CSTPP1: variants seen among roughly 807,000 people sequenced by gnomAD.
CSTPP1 encodes the protein UPF0705 protein C11orf49.
the CSTPP1 span, among the ~76,000 whole-genome samples, chr11:47,028,218 C>T: frequency 1.2e-4 from 19 of 152,272 alleles, no homozygotes; most frequent in African/African-American, 4.3e-4. Context: ...CCATCACGCC[C>T]GGCCACATCT....
At chr11:47,089,883 A>C in the CSTPP1 span, among the ~76,000 whole-genome samples, 2 of 152,382 alleles carry the variant, frequency 1.3e-5, no homozygotes, top group Non-Finnish European at 2.9e-5. Flanking sequence ...TTATAGATCC[A>C]AACAGTGAAG....
At chr11:47,010,943 TGGAAG>T in the CSTPP1 span, among the ~76,000 whole-genome samples, 10 of 152,328 alleles carry the variant, frequency 6.6e-5, no homozygotes, top group South Asian at 1.9e-3. Flanking sequence ...GAAGTTTTCT[TGGAAG>T]GACATCTAAT....
chr11:47,012,410 A>G, the CSTPP1 span, among the ~76,000 whole-genome samples: 18 of 152,318 alleles, frequency 1.2e-4, no homozygotes, highest in African/African-American at 4.3e-4. Context: ...TGGTCTTTTA[A>G]AAAGTATATT....
At chr11:47,143,021 AGG>A in the CSTPP1 span, among the ~76,000 whole-genome samples, 1 of 152,184 alleles carries the variant, frequency 6.6e-6, no homozygotes, top group African/African-American at 2.4e-5. Flanking sequence ...AGAAGGGCCA[AGG>A]GTAACCCACA....
At chr11:46,964,376 C>T in the CSTPP1 span, among the ~76,000 whole-genome samples, 5 of 152,016 alleles carry the variant, frequency 3.3e-5, no homozygotes, top group Admixed American at 1.3e-4. Flanking sequence ...AGCTCCGCCT[C>T]CCGGGTTCAC....
At chr11:46,976,393 T>TCACACA in the CSTPP1 span, among the ~76,000 whole-genome samples, 49 of 148,810 alleles carry the variant, frequency 3.3e-4, no homozygotes, top group Non-Finnish European at 4.5e-4. Context: ...TAGGTTTCAG[T>TCACACA]CACACACACA....
the CSTPP1 span, among the ~76,000 whole-genome samples, chr11:47,114,640 A>G: frequency 1.3e-5 from 2 of 152,124 alleles, no homozygotes; most frequent in East Asian, 1.9e-4. Flanking sequence ...TTTGTCTGTT[A>G]TTGGTGTATA....
chr11:46,939,121 A>G, the CSTPP1 span, among the ~76,000 whole-genome samples: 1 of 103,822 alleles, frequency 9.6e-6, no homozygotes, highest in Non-Finnish European at 1.8e-5. Flanking sequence ...ATGGAGTTTC[A>G]CTCTTGTTGC....
the CSTPP1 span, among the ~76,000 whole-genome samples, chr11:47,127,599 G>C: frequency 6.6e-6 from 1 of 152,058 alleles, no homozygotes; most frequent in African/African-American, 2.4e-5. Context: ...TGCCTTAAAT[G>C]AAGGAAAGTA....
At chr11:46,992,613 C>G in the CSTPP1 span, among the ~76,000 whole-genome samples, 3 of 151,844 alleles carry the variant, frequency 2.0e-5, no homozygotes, top group African/African-American at 7.3e-5. Flanking sequence ...GTATATGTGC[C>G]CATTTTCTTA....
chr11:46,976,801 C>T, the CSTPP1 span, among the ~76,000 whole-genome samples: 1 of 152,116 alleles, frequency 6.6e-6, no homozygotes, highest in African/African-American at 2.4e-5. Context: ...TCAAGTCCTG[C>T]AGTTGGCCCT....
At chr11:47,052,157 T>C in the CSTPP1 span, 1 of 388,372 alleles carries the variant, frequency 2.6e-6, no homozygotes, top group South Asian at 4.4e-5. Context: ...TGTGTACCTG[T>C]GGAAGGTGGG....
chr11:47,110,862 G>A, the CSTPP1 span, among the ~76,000 whole-genome samples: 68 of 151,172 alleles, frequency 4.5e-4, no homozygotes, highest in Admixed American at 9.2e-4. Flanking sequence ...TCCACCCAGC[G>A]TGAGACAGTA....
the CSTPP1 span, chr11:47,164,012 G>A: frequency 6.7e-7 from 1 of 1,491,628 alleles, no homozygotes; most frequent in Non-Finnish European, 9.0e-7. Context: ...CAAGGGGCAG[G>A]ACTGCTGAGG....
At chr11:47,047,847 A>C in the CSTPP1 span, among the ~76,000 whole-genome samples, 1 of 152,238 alleles carries the variant, frequency 6.6e-6, no homozygotes, top group Non-Finnish European at 1.5e-5. Context: ...AAATGGGCAA[A>C]GGACTTGAAG....
At chr11:47,000,172 G>T in the CSTPP1 span, among the ~76,000 whole-genome samples, 21 of 152,194 alleles carry the variant, frequency 1.4e-4, 1 homozygote, top group Admixed American at 1.4e-3. Flanking sequence ...TCAGCACTGG[G>T]TCAGGACCTC....
At chr11:47,050,050 A>G in the CSTPP1 span, among the ~76,000 whole-genome samples, 1 of 152,190 alleles carries the variant, frequency 6.6e-6, no homozygotes, top group African/African-American at 2.4e-5. Flanking sequence ...ATCTAGCCAT[A>G]TGCTATTTAC....
the CSTPP1 span, among the ~76,000 whole-genome samples, chr11:46,937,537 T>TAC: frequency 3.9e-5 from 6 of 152,048 alleles, no homozygotes; most frequent in East Asian, 1.9e-4. Flanking sequence ...CATAGATATG[T>TAC]ACACACACAC....
chr11:47,121,209 A>G, the CSTPP1 span, among the ~76,000 whole-genome samples: 1 of 152,186 alleles, frequency 6.6e-6, no homozygotes, highest in Admixed American at 6.5e-5. Context: ...GTTAATGCCT[A>G]ATTATAGTTC....
Sources: allele counts gnomAD v4.1 joint callset (sites outside exome capture counted in the v4.1 genomes callset), GRCh38; gene constraint gnomAD v4.1.1; transcripts MANE v1.5; gene names NCBI Gene and HGNC (gene_info 2026-07-23, HGNC 2026-07-21).